CD96: variants seen among roughly 807,000 people sequenced by gnomAD.
The protein encoded by CD96 is T-cell surface protein tactile.
CD96 carries 70 observed loss-of-function variants against 71.3 expected under a neutral mutation model. That is an observed-to-expected ratio of 0.98 (90% CI 0.81 to 1.20). CD96 has a LOEUF of 1.20. Ranked by LOEUF, CD96 falls within the 50% of genes most tolerant of loss-of-function variation. CD96 has a pLI of 0.00. For synonymous variants in CD96, 248 were observed against 233.0 expected (o/e 1.06, Z -0.59); for missense variants, 742 against 677.5 (o/e 1.10, Z -1.06).
chr3:111,613,346 T>C (rs1318954935), intron 8 of CD96, among the ~76,000 whole-genome samples: 2 of 152,194 alleles, frequency 1.3e-5, no homozygotes, highest in African/African-American at 4.8e-5. Flanking sequence ...GGACCAGTAA[T>C]CCAGCAATAC....
chr3:111,566,761 A>G (rs1935732374), intron 2 of CD96, among the ~76,000 whole-genome samples: 1 of 152,142 alleles, frequency 6.6e-6, no homozygotes, highest in Non-Finnish European at 1.5e-5. Flanking sequence ...TGCTTCCTCA[A>G]AGTTTCCTTA....
rs1199415227 is a variant in CD96, at chr3:111,649,806, G to A, written c.1710G>A (p.Ter570=). 6.4e-7 allele frequency: 1 copy of A among 1,569,616 alleles called. No homozygotes were observed. The highest frequency in any genetic ancestry group is 8.8e-7 in the Non-Finnish European group (1 of 1,139,354). ...CTTATCATGAGATGGAGACCCTCTA[G>A]TCTCGTGAGACTTTGCCCCATGGCA... ...DLPYHEMETL[*] Residue 570 remains the stop codon, a stop_retained_variant, in exon 14 of 14, where the codon TAG becomes TAA. Coordinates refer to ENST00000352690, the MANE Select transcript of CD96 (RefSeq NM_005816.5).
chr3:111,638,981 A>T (rs966473535), intron 12 of CD96, among the ~76,000 whole-genome samples: 3 of 152,228 alleles, frequency 2.0e-5, no homozygotes, highest in African/African-American at 7.2e-5. Flanking sequence ...AAAAAAATAT[A>T]GGCATTGATG....
intron 2 of CD96, among the ~76,000 whole-genome samples, chr3:111,561,436 C>A (rs1422153873): frequency 1.4e-5 from 2 of 139,986 alleles, no homozygotes; most frequent in Admixed American, 7.6e-5. Flanking sequence ...CAGACAGGAC[C>A]CTCAGCTGCA....
intron 5 of CD96, among the ~76,000 whole-genome samples, chr3:111,586,824 G>T (rs757512783): frequency 6.6e-6 from 1 of 152,122 alleles, no homozygotes. Context: ...TTAGATTTGG[G>T]TGGTGACACA....
chr3:111,660,016 G>T (rs1002046297), intron 14 of CD96, among the ~76,000 whole-genome samples: 5 of 152,208 alleles, frequency 3.3e-5, no homozygotes, highest in African/African-American at 9.7e-5. Context: ...AGTGCTGGAA[G>T]TCCTAGCCAG....
chr3:111,605,348 CCAGAAGTCA>C (rs748381811), intron 7 of CD96, among the ~76,000 whole-genome samples: 4 of 151,890 alleles, frequency 2.6e-5, no homozygotes, highest in African/African-American at 9.7e-5. Context: ...TCAAGAAGTC[CCAGAAGTCA>C]CAGAGAGAAT....
rs200767318 is a variant in CD96 at position 111,623,789 on chromosome 3, G to A, written c.1216G>A (p.Val406Met). Reference protein sequence around the residue: ...PATSSVTLVDVSALRPNTTPQ... With the variant: ...PATSSVTLVDMSALRPNTTPQ... ...TACATCTTCAGTGACCCTTGTAGAT[G>A]TGAGTGCCTTGAGGCCAAACACCAC... The change falls in exon 9 of 14, where the codon GTG becomes ATG. Residue 406 changes from valine (V) to methionine (M), a missense_variant. Physicochemically the swap from Val to Met is conservative, Grantham distance 21 (BLOSUM62 1). Coordinates refer to ENST00000352690, the MANE Select transcript of CD96 (RefSeq NM_005816.5). The A allele has an allele frequency of 2.0e-5, 32 of 1,612,584 alleles. 1 individual carries two copies. In the South Asian group the frequency reaches 3.1e-4, roughly 15 times the overall value.
At chr3:111,585,197 A>G (rs1182413476) in intron 4 of CD96, 126 bp from the exon 5 acceptor site, 9 of 328,046 alleles carry the variant, frequency 2.7e-5, no homozygotes. Flanking sequence ...ATATTAATAA[A>G]TATTAATTTA....
At chr3:111,570,336 G>A (rs1935919606) in intron 3 of CD96, among the ~76,000 whole-genome samples, 1 of 152,134 alleles carries the variant, frequency 6.6e-6, no homozygotes, top group Non-Finnish European at 1.5e-5. Context: ...ATTGGGGGGT[G>A]AGAGGTATGG....
Position 111,608,543 on chromosome 3 carries a change from A to C in CD96, c.1180+1751A>C, listed in dbSNP as rs139505935. 2.0e-4 allele frequency among the ~76,000 whole-genome samples: 30 copies of C among 152,330 alleles called. 1 individual carries two copies. In the East Asian group the frequency reaches 5.6e-3, roughly 28 times the overall value. The stretch of plus-strand genomic sequence containing the variant: ...AAGCATTATTGTTCCCACTTGCCAG[A>C]TGGGGACTTTAAGACACTGAGAGCT... On this transcript the variant is annotated intron_variant, in intron 8 of 13. Transcript: ENST00000352690.
intron 10 of CD96, among the ~76,000 whole-genome samples, chr3:111,632,668 G>A (rs1386556709): frequency 6.6e-6 from 1 of 152,162 alleles, no homozygotes; most frequent in Non-Finnish European, 1.5e-5. Context: ...ACACATGCAA[G>A]GGTATGTTCA....
At chr3:111,648,715 G>A (rs144055366) in intron 13 of CD96, among the ~76,000 whole-genome samples, 21 of 151,982 alleles carry the variant, frequency 1.4e-4, no homozygotes, top group Non-Finnish European at 3.1e-4. Flanking sequence ...TGTTTTATAT[G>A]GAGATGAGAA....
Position 111,624,375 on chromosome 3 carries a change from G to A in CD96, c.1292G>A (p.Trp431Ter). The A allele has an allele frequency of 6.2e-7, 1 of 1,611,710 alleles. No homozygotes were observed. Among genetic ancestry groups the A allele is most frequent in the Non-Finnish European group, 8.5e-7 (1 of 1,177,860 alleles). Residue 431 changes from tryptophan (W) to a stop codon, truncating the protein, a stop_gained, in exon 10 of 14, where the codon TGG (tryptophan) becomes TAG (stop). Transcript: ENST00000352690. LOFTEE classifies it high-confidence loss of function. ...SMTTRGFNYP[W>*]TSSGTDTKKS... is the part of the protein sequence containing the mutation. ...ACTACCCGAGGCTTCAACTATCCCT[G>A]GACCTCCAGTGGGACAGATACCAAA...
chr3:111,625,063 AT>A (rs1209688010), intron 10 of CD96, among the ~76,000 whole-genome samples: 5 of 152,238 alleles, frequency 3.3e-5, no homozygotes, highest in African/African-American at 7.2e-5. Context: ...AGAACTCTGA[AT>A]TTAAATGTTA....
At chr3:111,617,930 T>G (rs928019702) in intron 8 of CD96, among the ~76,000 whole-genome samples, 26 of 152,228 alleles carry the variant, frequency 1.7e-4, no homozygotes, top group African/African-American at 5.8e-4. Context: ...CTACAGTTCC[T>G]GGCATCTCCA....
chr3:111,622,619 C>T (rs1938569226), intron 8 of CD96, among the ~76,000 whole-genome samples: 1 of 152,156 alleles, frequency 6.6e-6, no homozygotes, highest in African/African-American at 2.4e-5. Flanking sequence ...ACTGAGGTAC[C>T]AGGAAAGCTG....
chr3:111,574,659 C>CAA (rs1416009609), intron 3 of CD96, among the ~76,000 whole-genome samples: 2 of 152,072 alleles, frequency 1.3e-5, no homozygotes, highest in African/African-American at 4.8e-5. Flanking sequence ...TTTAATTATG[C>CAA]ATTTGTTTCT....
At chr3:111,628,071 A>G (rs1938865392) in intron 10 of CD96, among the ~76,000 whole-genome samples, 1 of 152,182 alleles carries the variant, frequency 6.6e-6, no homozygotes, top group African/African-American at 2.4e-5. Flanking sequence ...TGAAAACTTT[A>G]AAAAAAGAAA....
Sources: allele counts gnomAD v4.1 joint callset (sites outside exome capture counted in the v4.1 genomes callset), GRCh38; gene constraint gnomAD v4.1.1; transcripts MANE v1.5; gene names NCBI Gene and HGNC (gene_info 2026-07-23, HGNC 2026-07-21).